GNB1L: variants seen among roughly 807,000 people sequenced by gnomAD.
The protein encoded by GNB1L is guanine nucleotide-binding protein subunit beta-like protein 1.
GNB1L carries 20 observed loss-of-function variants against 29.1 expected under a neutral mutation model. The observed-to-expected ratio is 0.69, with a 90% CI of 0.48 to 1.00. The LOEUF (loss-of-function observed/expected upper bound fraction) is 1.00. GNB1L is among the 50% of genes least tolerant of loss of function. The pLI is 0.00. For missense variants in GNB1L, 421 were observed against 464.9 expected, an observed-to-expected ratio of 0.91 and a Z score of 0.87; for synonymous variants, 193 against 206.5, an observed-to-expected ratio of 0.93 and a Z score of 0.56.
intron 2 of GNB1L, among the ~76,000 whole-genome samples, chr22:19,837,840 T>A (rs1190867510): frequency 6.6e-6 from 1 of 152,220 alleles, no homozygotes; most frequent in Non-Finnish European, 1.5e-5. Flanking sequence ...AAAATAATCA[T>A]GTCAGGTGAA....
chr22:19,850,869 C>T, intron 2 of GNB1L: 2 of 1,329,042 alleles, frequency 1.5e-6, no homozygotes, highest in Non-Finnish European at 1.9e-6. Flanking sequence ...GAGAGTTGAT[C>T]TACAAAACGA....
chr22:19,808,245 T>A (rs899170746), intron 5 of GNB1L, among the ~76,000 whole-genome samples: 1 of 152,090 alleles, frequency 6.6e-6, no homozygotes, highest in Non-Finnish European at 1.5e-5. Flanking sequence ...ATGGGTAACA[T>A]GTACACACCT....
chr22:19,816,884 AC>A lies in GNB1L; in HGVS notation c.254+3713del, dbSNP rs927841044. On this transcript the variant is annotated intron_variant, in intron 4 of 7. Transcript: ENST00000329517. The surrounding 1 kb of genome is among the most constrained non-coding windows in gnomAD (Gnocchi z 4.4). ...CCTCCCAGGCTGCCGCTGCCACACC[AC>A]CCCCCCAACCCTGCTTCTTTGACTG... Among the ~76,000 whole-genome samples, 9 of 146,578 alleles carry A rather than the reference AC, an allele frequency of 6.1e-5. No individual in the cohort carries two copies. The highest frequency in any genetic ancestry group is 1.8e-4 in the African/African-American group (7 of 39,398).
At chr22:19,789,836 CAAAA>C (rs574569982) in intron 7 of GNB1L, among the ~76,000 whole-genome samples, 23 of 107,706 alleles carry the variant, frequency 2.1e-4, no homozygotes, top group Admixed American at 4.5e-4. Context: ...GACCCTGTCT[CAAAA>C]AAAAAAAAAA....
At chr22:19,824,040 G>T (rs1937600285) in intron 2 of GNB1L, among the ~76,000 whole-genome samples, 1 of 152,226 alleles carries the variant, frequency 6.6e-6, no homozygotes, top group Admixed American at 6.5e-5. Flanking sequence ...TCATTCTCAG[G>T]TGATGAAATC....
At chr22:19,846,052 G>A (rs1404394104) in intron 2 of GNB1L, 2 of 152,286 alleles carry the variant, frequency 1.3e-5, no homozygotes, top group African/African-American at 4.8e-5. Context: ...CTGATGCTGA[G>A]GTAGGCCCTA....
chr22:19,830,106 A>G (rs917333011), intron 2 of GNB1L, among the ~76,000 whole-genome samples: 2 of 152,190 alleles, frequency 1.3e-5, no homozygotes, highest in Non-Finnish European at 2.9e-5. Flanking sequence ...AGGCTGAGGC[A>G]GGAGGATTGC....
At chr22:19,835,136 A>C (rs539882577) in intron 2 of GNB1L, among the ~76,000 whole-genome samples, 23 of 152,308 alleles carry the variant, frequency 1.5e-4, no homozygotes, top group African/African-American at 4.8e-4. Flanking sequence ...TGGAACTGAA[A>C]GTAGAAATAG....
intron 5 of GNB1L, among the ~76,000 whole-genome samples, chr22:19,807,440 C>T (rs1050492857): frequency 1.3e-5 from 2 of 152,118 alleles, no homozygotes; most frequent in African/African-American, 2.4e-5. Flanking sequence ...CCTCTGCCCT[C>T]GCTCTGGGAA....
intron 6 of GNB1L, among the ~76,000 whole-genome samples, chr22:19,805,310 G>A (rs1369098468): frequency 1.3e-5 from 2 of 152,338 alleles, no homozygotes; most frequent in East Asian, 1.9e-4. Context: ...AGAGAGAAAA[G>A]CTGGGGGCAG....
chr22:19,830,433 T>C (rs1284881793), intron 2 of GNB1L, among the ~76,000 whole-genome samples: 4 of 151,950 alleles, frequency 2.6e-5, no homozygotes, highest in African/African-American at 9.7e-5. Flanking sequence ...TTAGAGAAAA[T>C]TCCATTTATA....
intron 2 of GNB1L, among the ~76,000 whole-genome samples, chr22:19,828,923 T>C (rs969303266): frequency 6.6e-6 from 1 of 151,872 alleles, no homozygotes; most frequent in African/African-American, 2.4e-5. Context: ...CATCTGCCTC[T>C]GGGGTTCAAG....
chr22:19,820,624 C>G lies in GNB1L; in HGVS notation c.228G>C (p.Thr76=), dbSNP rs368294430. Residue 76 remains threonine, a synonymous_variant, in exon 4 of 8, where the codon ACG becomes ACC. Coordinates refer to ENST00000329517, the MANE Select transcript of GNB1L (RefSeq NM_053004.3). ...HGGQCVTWLQ[T]LPQGRQLLSQ... ...TGAGGAGCTGGCGCCCCTGGGGCAGCGTCTGCAGCCAGGTCACACACTGGC... is the reference window on the plus strand; with the variant it reads ...TGAGGAGCTGGCGCCCCTGGGGCAGGGTCTGCAGCCAGGTCACACACTGGC... 4.3e-6 allele frequency: 7 copies of G among 1,612,500 alleles called. No homozygotes were observed. The African/African-American group carries it at 9.4e-5, about 22-fold the overall frequency.
At chr22:19,798,586 T>C (rs1049934292) in intron 7 of GNB1L, among the ~76,000 whole-genome samples, 4 of 152,170 alleles carry the variant, frequency 2.6e-5, no homozygotes, top group Non-Finnish European at 5.9e-5. Context: ...TCTTCACCTG[T>C]GGAGGCTGAG....
At chr22:19,843,875 G>C (rs948891619) in intron 2 of GNB1L, among the ~76,000 whole-genome samples, 5 of 152,184 alleles carry the variant, frequency 3.3e-5, no homozygotes, top group Non-Finnish European at 7.3e-5. Flanking sequence ...TAGAGAAATG[G>C]TCATTTGCTC....
chr22:19,852,295 G>A, intron 2 of GNB1L: 1 of 1,571,722 alleles, frequency 6.4e-7, no homozygotes, highest in Non-Finnish European at 8.6e-7. Context: ...AGGAGAGCCA[G>A]CACTGGTGGG....
At chr22:19,815,643 G>A (rs908990596) in intron 4 of GNB1L, among the ~76,000 whole-genome samples, 1 of 152,024 alleles carries the variant, frequency 6.6e-6, no homozygotes, top group Admixed American at 6.6e-5. Flanking sequence ...AGTGCAGTGG[G>A]GTGATCACAG....
In GNB1L at chr22:19,786,270, GC is replaced by G. The variant is rs1410308639; in HGVS notation, c.*2438del. 2 of 152,344 alleles carry G rather than the reference GC, an allele frequency of 1.3e-5. No individual in the cohort carries two copies. The highest frequency in any genetic ancestry group is 1.3e-4 in the Admixed American group (2 of 15,284). The allele number at this position is 152,344 out of a possible 1,614,324, so 9.4% of individuals were successfully genotyped here. On this transcript the variant is annotated 3_prime_UTR_variant, in exon 8 of 8. Transcript: ENST00000329517. ...CACACTGAGATTCAGAACAAGATGT[GC>G]CTGGACACTGCTCAACGCCACATGG...
chr22:19,835,948 C>T (rs900932253), intron 2 of GNB1L, among the ~76,000 whole-genome samples: 2 of 152,146 alleles, frequency 1.3e-5, no homozygotes, highest in African/African-American at 2.4e-5. Context: ...TAAATACTTA[C>T]ATCGACAAGA....
Sources: gnomAD v4.1 joint callset for allele counts (sites outside exome capture counted in the v4.1 genomes callset) on GRCh38, gnomAD v4.1.1 for gene constraint, Gnocchi (gnomAD v3.1) non-coding constraint, MANE v1.5 for transcripts, NCBI Gene and HGNC (gene_info 2026-07-23, HGNC 2026-07-21) for gene names.